ATP10D: variants seen among roughly 807,000 people sequenced by gnomAD.
The protein encoded by ATP10D is phospholipid-transporting ATPase VD.
A neutral mutation model predicts 144.8 loss-of-function variants in ATP10D; 89 were observed. The observed-to-expected ratio is 0.61, with a 90% CI of 0.52 to 0.73. The LOEUF (loss-of-function observed/expected upper bound fraction) is 0.73. ATP10D is among the 30% of genes least tolerant of loss of function. The pLI is 0.00. For missense variants in ATP10D, 1,603 were observed against 1,714.8 expected (o/e 0.93, Z 1.15); for synonymous variants, 571 against 615.1 (o/e 0.93, Z 1.06).
At chr4:47,521,962 A>G (rs1216707696) in intron 3 of ATP10D, among the ~76,000 whole-genome samples, 2 of 152,210 alleles carry the variant, frequency 1.3e-5, no homozygotes, top group East Asian at 1.9e-4. Context: ...ATAATTCTGT[A>G]TGGCAGAATT....
At chr4:47,526,191 G>T (rs1177667935) in intron 5 of ATP10D, among the ~76,000 whole-genome samples, 1 of 152,182 alleles carries the variant, frequency 6.6e-6, no homozygotes, top group Non-Finnish European at 1.5e-5. Context: ...AGCTATGTAT[G>T]AAAATGATAA....
intron 1 of ATP10D, among the ~76,000 whole-genome samples, chr4:47,486,625 G>A (rs111424345): frequency 3.7e-4 from 57 of 152,238 alleles, no homozygotes; most frequent in African/African-American, 1.3e-3. Flanking sequence ...CTCCCACTCC[G>A]ATCCACCTCA....
chr4:47,591,000 T>G, intron 22 of ATP10D, 42 bp from the exon 23 acceptor site: 3 of 1,318,670 alleles, frequency 2.3e-6, no homozygotes, highest in Non-Finnish European at 3.1e-6. Flanking sequence ...CTGTAATGCA[T>G]TTGAGATGAA....
At chr4:47,489,282 TTG>T (rs1714951396) in intron 1 of ATP10D, among the ~76,000 whole-genome samples, 2 of 152,326 alleles carry the variant, frequency 1.3e-5, no homozygotes, top group African/African-American at 4.8e-5. Context: ...ATGTATCATT[TTG>T]TTGGGAAAAT....
chr4:47,498,407 G>A (rs576721588), intron 1 of ATP10D, among the ~76,000 whole-genome samples: 70 of 152,276 alleles, frequency 4.6e-4, no homozygotes, highest in Non-Finnish European at 9.1e-4. Flanking sequence ...GGGCTGGAAG[G>A]GGAGGTACAA....
intron 22 of ATP10D, among the ~76,000 whole-genome samples, chr4:47,587,677 C>T (rs988207830): frequency 6.6e-6 from 1 of 152,284 alleles, no homozygotes; most frequent in Middle Eastern, 3.4e-3. Flanking sequence ...TTGAACACTG[C>T]ACCTTCAGAT....
chr4:47,500,714 T>G (rs1487804720), intron 1 of ATP10D, among the ~76,000 whole-genome samples: 1 of 152,172 alleles, frequency 6.6e-6, no homozygotes, highest in Non-Finnish European at 1.5e-5. Flanking sequence ...CTTTTGGGCA[T>G]CAGTCTGGAG....
At chr4:47,525,154 A>T (rs1315187992) in intron 4 of ATP10D, among the ~76,000 whole-genome samples, 2 of 152,210 alleles carry the variant, frequency 1.3e-5, no homozygotes, top group African/African-American at 4.8e-5. Flanking sequence ...GGCTGAGATC[A>T]AATGCATATA....
At chr4:47,583,779 A>AT (rs1720646426) in intron 21 of ATP10D, among the ~76,000 whole-genome samples, 2 of 152,112 alleles carry the variant, frequency 1.3e-5, no homozygotes, top group African/African-American at 4.8e-5. Context: ...GTTATTAAAA[A>AT]ATATAATGAA....
At chr4:47,535,782 G>A in intron 6 of ATP10D, 120 bp from the exon 7 acceptor site, 1 of 1,356,182 alleles carries the variant, frequency 7.4e-7, no homozygotes, top group Non-Finnish European at 9.9e-7. Flanking sequence ...AGATTGAACT[G>A]ACAAAATAGA....
At chr4:47,576,174 A>G (rs10002592) in intron 18 of ATP10D, among the ~76,000 whole-genome samples, 92,210 of 151,060 alleles carry the variant, frequency 0.61, 28,257 homozygotes, top group East Asian at 0.7. Flanking sequence ...CTCGTGATCC[A>G]CCCGCCTCGG....
In ATP10D at chr4:47,591,136, G is replaced by T; in HGVS notation, c.4036G>T (p.Ala1346Ser). The T allele has an allele frequency of 6.2e-7, 1 of 1,613,488 alleles. No individual in the cohort carries two copies. Among genetic ancestry groups the T allele is most frequent in the Non-Finnish European group, 8.5e-7 (1 of 1,179,590 alleles). Residue 1346 changes from alanine (A) to serine (S), a missense_variant, in exon 23 of 23, where the codon GCT becomes TCT. Coordinates refer to ENST00000273859, the MANE Select transcript of ATP10D (RefSeq NM_020453.4). ...ACTAACTCCAGAGGAGAGGACTAAA[G>T]CTCTCAAGAAGTGGAGAGGGGCTGG... is the stretch of plus-strand genomic sequence containing the variant. ...DRLTPEERTKALKKWRGAGKM... is the reference protein window; with the variant it reads ...DRLTPEERTKSLKKWRGAGKM...
chr4:47,503,139 T>G (rs1577616931), intron 1 of ATP10D, among the ~76,000 whole-genome samples: 1 of 152,044 alleles, frequency 6.6e-6, no homozygotes, highest in Admixed American at 6.6e-5. Context: ...GAGGCAGAGT[T>G]TGCAGTGAGC....
At chr4:47,493,508 T>C (rs1274910148) in intron 1 of ATP10D, among the ~76,000 whole-genome samples, 1 of 152,232 alleles carries the variant, frequency 6.6e-6, no homozygotes, top group East Asian at 1.9e-4. Flanking sequence ...ATAAGTGTTC[T>C]GAGCACATTT....
chr4:47,587,063 T>C lies in ATP10D; in HGVS notation c.3798T>C (p.Tyr1266=). 1 of 1,614,090 alleles carries C rather than the reference T, an allele frequency of 6.2e-7. No individual in the cohort carries two copies. The highest frequency in any genetic ancestry group is 1.1e-5 in the South Asian group (1 of 91,082). The change falls in exon 22 of 23, where the codon TAT becomes TAC. Residue 1266 remains tyrosine (Y), a synonymous_variant. Transcript: ENST00000273859. ...LLVIIGSILS[Y]FLFAIVFGAM... ...TCATCATTGGTAGCATCTTGTCTTATTTTTTATTTGCCATAGTTTTTGGAG... is the reference window on the plus strand; with the variant it reads ...TCATCATTGGTAGCATCTTGTCTTACTTTTTATTTGCCATAGTTTTTGGAG...
chr4:47,560,827 G>C, intron 13 of ATP10D, 122 bp from the exon 14 acceptor site: 1 of 1,240,368 alleles, frequency 8.1e-7, no homozygotes, highest in Non-Finnish European at 1.1e-6. Context: ...TGACATGGCT[G>C]TGCCCAGAGG....
At chr4:47,542,131 C>G (rs113607768) in intron 9 of ATP10D, among the ~76,000 whole-genome samples, 6,390 of 140,836 alleles carry the variant, frequency 0.045, 433 homozygotes, top group African/African-American at 0.16. Flanking sequence ...GGGTCTCACT[C>G]TGTTACCCAG....
chr4:47,550,878 C>A (rs1321845686), intron 10 of ATP10D, among the ~76,000 whole-genome samples: 1 of 151,870 alleles, frequency 6.6e-6, no homozygotes, highest in Non-Finnish European at 1.5e-5. Context: ...GGACAGCGAG[C>A]GAAAGCTCAG....
chr4:47,571,259 AATTAT>A (rs1479413391), intron 16 of ATP10D, among the ~76,000 whole-genome samples: 17 of 148,954 alleles, frequency 1.1e-4, no homozygotes, highest in Non-Finnish European at 2.1e-4. Flanking sequence ...ATTATAACAT[AATTAT>A]ATTATAATTT....
Sources: gnomAD v4.1 joint callset for allele counts (sites outside exome capture counted in the v4.1 genomes callset) on GRCh38, gnomAD v4.1.1 for gene constraint, MANE v1.5 for transcripts, NCBI Gene and HGNC (gene_info 2026-07-23, HGNC 2026-07-21) for gene names.